Variants in CAMK2D observed in about 807,000 individuals in gnomAD.
CAMK2D encodes the protein calcium/calmodulin dependent protein kinase II delta.
A neutral mutation model predicts 84.0 loss-of-function variants in CAMK2D; 37 were observed. That is an observed-to-expected ratio of 0.44 (90% CI 0.34 to 0.58). The LOEUF is 0.58. CAMK2D is among the 20% of genes least tolerant of loss of function. The pLI is 0.02. For synonymous variants in CAMK2D, 202 were observed against 212.5 expected (o/e 0.95, Z 0.43); for missense variants, 448 against 652.5 (o/e 0.69, Z 3.41).
rs56121365 is a variant in CAMK2D, at chr4:113,560,101, G to A, written c.276-8005C>T. 3.0e-3 allele frequency among the ~76,000 whole-genome samples: 452 copies of A among 152,270 alleles called. 3 individuals are homozygous for A. Among genetic ancestry groups the A allele is most frequent in the Non-Finnish European group, 4.9e-3 (335 of 68,020 alleles). On this transcript the variant is annotated intron_variant, in intron 4 of 20. Transcript: ENST00000511664. ...TGTTACTGTTGATCCCTGTGAGTGTGTAGATGCTTACAAAGGAAGGGCTCA... is the reference window on the plus strand; with the variant it reads ...TGTTACTGTTGATCCCTGTGAGTGTATAGATGCTTACAAAGGAAGGGCTCA...
At chr4:113,647,294 T>A (rs79332990) in intron 3 of CAMK2D, among the ~76,000 whole-genome samples, 4,028 of 152,330 alleles carry the variant, frequency 0.026, 175 homozygotes, top group African/African-American at 0.086. Flanking sequence ...GTACAATTTC[T>A]ATGCTTCAAT....
intron 4 of CAMK2D, among the ~76,000 whole-genome samples, chr4:113,581,047 C>T (rs1003258107): frequency 2.6e-5 from 4 of 152,034 alleles, no homozygotes; most frequent in Non-Finnish European, 4.4e-5. Context: ...CTTGCACATC[C>T]TGCACATGTG....
intron 2 of CAMK2D, among the ~76,000 whole-genome samples, chr4:113,706,500 C>T (rs2099456280): frequency 1.3e-5 from 2 of 152,116 alleles, no homozygotes; most frequent in Non-Finnish European, 2.9e-5. Context: ...GGGTACTATG[C>T]TAGTAACTCC....
intron 2 of CAMK2D, among the ~76,000 whole-genome samples, chr4:113,671,341 T>C (rs963175158): frequency 6.6e-6 from 1 of 152,218 alleles, no homozygotes; most frequent in African/African-American, 2.4e-5. Flanking sequence ...TTTCTGTGAC[T>C]GAGTTCTCCT....
intron 4 of CAMK2D, among the ~76,000 whole-genome samples, chr4:113,601,900 T>C (rs2098954866): frequency 6.6e-6 from 1 of 151,884 alleles, no homozygotes; most frequent in South Asian, 2.1e-4. Flanking sequence ...TCTTGCTATG[T>C]TGCCCAGGCT....
chr4:113,504,557 C>T (rs2098101582), intron 14 of CAMK2D, among the ~76,000 whole-genome samples: 1 of 152,192 alleles, frequency 6.6e-6, no homozygotes, highest in African/African-American at 2.4e-5. Flanking sequence ...TGTCTAGCAA[C>T]AATCCCATTA....
chr4:113,455,888 C>A, intron 19 of CAMK2D, 67 bp from the exon 20 acceptor site: 1 of 929,046 alleles, frequency 1.1e-6, no homozygotes, highest in Non-Finnish European at 1.8e-6. Context: ...GGCTTCATCC[C>A]ATAAACACTT....
At chr4:113,643,282 T>A (rs1261505731) in intron 3 of CAMK2D, among the ~76,000 whole-genome samples, 1 of 152,262 alleles carries the variant, frequency 6.6e-6, no homozygotes. Flanking sequence ...AAAAAGTTTT[T>A]AAAAAAAGTC....
chr4:113,531,805 C>T (rs939374631), intron 7 of CAMK2D, among the ~76,000 whole-genome samples: 15 of 151,988 alleles, frequency 9.9e-5, no homozygotes, highest in African/African-American at 2.9e-4. Context: ...ACTAGACATT[C>T]GACTTAAGAA....
chr4:113,747,433 T>C (rs2099607150), intron 2 of CAMK2D, among the ~76,000 whole-genome samples: 1 of 152,036 alleles, frequency 6.6e-6, no homozygotes, highest in African/African-American at 2.4e-5. Context: ...TTCCTTTATG[T>C]TTTCAATAAA....
intron 3 of CAMK2D, among the ~76,000 whole-genome samples, chr4:113,650,455 T>A (rs1443372484): frequency 6.7e-6 from 1 of 149,036 alleles, no homozygotes; most frequent in East Asian, 2.0e-4. Flanking sequence ...AGGCAGAGGT[T>A]GCAGTGAGCC....
chr4:113,510,032 T>A (rs1431992086), intron 12 of CAMK2D, among the ~76,000 whole-genome samples: 3 of 152,238 alleles, frequency 2.0e-5, no homozygotes, highest in Non-Finnish European at 4.4e-5. Context: ...TCTTTGGACA[T>A]CAGCTGACTG....
chr4:113,519,881 C>A lies in CAMK2D; in HGVS notation c.602-2224G>T, dbSNP rs980644070. Among the ~76,000 whole-genome samples, 3 of 152,120 alleles carry A rather than the reference C, an allele frequency of 2.0e-5. 1 individual carries two copies. The East Asian group carries it at 5.8e-4, about 29-fold the overall frequency. On this transcript the variant is annotated intron_variant, in intron 8 of 20. Transcript: ENST00000511664. ...AGGCTGAGAGATTAAGTAACTGTTTCAACCACAAGCAGGACAGACATAATG... is the reference window on the plus strand; with the variant it reads ...AGGCTGAGAGATTAAGTAACTGTTTAAACCACAAGCAGGACAGACATAATG...
At chr4:113,631,466 T>C (rs1407757000) in intron 3 of CAMK2D, among the ~76,000 whole-genome samples, 1 of 152,204 alleles carries the variant, frequency 6.6e-6, no homozygotes, top group East Asian at 1.9e-4. Flanking sequence ...ACATTTCCAA[T>C]ATTCAATGAA....
intron 15 of CAMK2D, 113 bp downstream of exon 15, chr4:113,502,823 G>A (rs1333297169): frequency 2.6e-6 from 2 of 761,894 alleles, no homozygotes; most frequent in Non-Finnish European, 4.6e-6. Flanking sequence ...AAGTGTGGTA[G>A]AAAATGGTTA....
At chr4:113,559,840 A>T (rs1021216705) in intron 4 of CAMK2D, among the ~76,000 whole-genome samples, 1 of 152,192 alleles carries the variant, frequency 6.6e-6, no homozygotes, top group Non-Finnish European at 1.5e-5. Flanking sequence ...GTGAATTTAT[A>T]CCCCAAAGTT....
chr4:113,594,453 T>C (rs1203101144), intron 4 of CAMK2D, among the ~76,000 whole-genome samples: 2 of 152,146 alleles, frequency 1.3e-5, no homozygotes, highest in East Asian at 1.9e-4. Flanking sequence ...ATGACAAATA[T>C]GTGGGAATGA....
intron 10 of CAMK2D, among the ~76,000 whole-genome samples, chr4:113,514,729 T>C (rs963694075): frequency 6.6e-6 from 1 of 152,228 alleles, no homozygotes; most frequent in Middle Eastern, 3.2e-3. Flanking sequence ...GATAAATAAT[T>C]GAACTTTGTT....
chr4:113,738,636 T>C (rs910179168), intron 2 of CAMK2D, among the ~76,000 whole-genome samples: 18 of 152,128 alleles, frequency 1.2e-4, no homozygotes. Context: ...AAGAATCCTG[T>C]CTATATATGT....
Sources: allele counts gnomAD v4.1 joint callset (sites outside exome capture counted in the v4.1 genomes callset), GRCh38; gene constraint gnomAD v4.1.1; transcripts MANE v1.5; gene names NCBI Gene and HGNC (gene_info 2026-07-23, HGNC 2026-07-21).